Variants in PRAG1 observed in about 807,000 individuals in gnomAD.
PRAG1 encodes the protein inactive tyrosine-protein kinase PRAG1.
In PRAG1, 110 loss-of-function variants were observed where a neutral mutation model predicts 95.6. The ratio of observed to expected loss-of-function variants is 1.15; its 90% CI spans 0.99 to 1.35. The LOEUF is 1.35. Ranked by LOEUF, PRAG1 falls within the 40% of genes most tolerant of loss-of-function variation. The pLI, the probability that PRAG1 is intolerant of heterozygous loss-of-function variation, is 0.00. For synonymous variants in PRAG1, 1,052 were observed against 819.4 expected (o/e 1.28, Z -4.85); for missense variants, 2,554 against 1,864.7 (o/e 1.37, Z -6.81).
At chr8:8,360,704 T>C (rs1464355736) in intron 3 of PRAG1, among the ~76,000 whole-genome samples, 6 of 152,248 alleles carry the variant, frequency 3.9e-5, no homozygotes, top group Non-Finnish European at 7.3e-5. Context: ...TAAATCTGCA[T>C]ATTTTCTCAT....
chr8:8,341,625 T>C (rs1039330008), intron 3 of PRAG1, among the ~76,000 whole-genome samples: 3 of 152,202 alleles, frequency 2.0e-5, no homozygotes, highest in Non-Finnish European at 4.4e-5. Context: ...GTTTCTCCTT[T>C]ACTCTGTGAA....
chr8:8,318,017 T>C lies in PRAG1; in HGVS notation c.*137A>G, dbSNP rs1017380475. On this transcript the variant is annotated 3_prime_UTR_variant, in exon 6 of 6. Coordinates refer to ENST00000615670, the MANE Select transcript of PRAG1 (RefSeq NM_001080826.3). This position sits in a 1 kb window ranked among gnomAD's most constrained non-coding sequence, Gnocchi z 4.2. ...TTATATATGGTATATGTATTTTCTA[T>C]ATATATATTTATATATTTTACATCC... 2 of 632,252 alleles carry C rather than the reference T, an allele frequency of 3.2e-6. No homozygotes were observed. Among genetic ancestry groups the C allele is most frequent in the Middle Eastern group, 4.7e-4 (1 of 2,136 alleles). The allele number at this position is 632,252 out of a possible 1,614,324, so 39.2% of individuals were successfully genotyped here. A position where few individuals can be genotyped will look rare whatever the true frequency, so the allele number is the denominator to read the frequency against.
intron 3 of PRAG1, among the ~76,000 whole-genome samples, chr8:8,351,909 A>T (rs190402634): frequency 6.6e-6 from 1 of 152,106 alleles, no homozygotes; most frequent in East Asian, 1.9e-4. Flanking sequence ...AACACTAGTG[A>T]GTTGTTACCC....
intron 3 of PRAG1, among the ~76,000 whole-genome samples, chr8:8,341,322 T>TCATATA (rs1799155851): frequency 6.6e-6 from 1 of 152,150 alleles, no homozygotes; most frequent in Admixed American, 6.5e-5. Context: ...ATATATATAT[T>TCATATA]CATATACATA....
chr8:8,334,448 G>A (rs187275943), intron 4 of PRAG1, among the ~76,000 whole-genome samples: 1 of 144,686 alleles, frequency 6.9e-6, no homozygotes, highest in Non-Finnish European at 1.5e-5. Flanking sequence ...AAAAAAAAAA[G>A]CATTTCTTTA....
chr8:8,382,943 CTCT>C (rs1800733058), intron 1 of PRAG1, among the ~76,000 whole-genome samples: 1 of 152,162 alleles, frequency 6.6e-6, no homozygotes, highest in Non-Finnish European at 1.5e-5. Context: ...TTGCTCCTGG[CTCT>C]TCTTAGCCTA....
At chr8:8,385,612 C>T (rs886437177) in intron 1 of PRAG1, among the ~76,000 whole-genome samples, 1 of 152,212 alleles carries the variant, frequency 6.6e-6, no homozygotes, top group African/African-American at 2.4e-5. Context: ...GACCATTGGG[C>T]TTTGCTATCG....
Position 8,377,059 on chromosome 8 carries a change from G to A in PRAG1, c.1350C>T (p.Ala450=). 6.2e-7 allele frequency: 1 copy of A among 1,614,020 alleles called. No homozygotes were observed. The highest frequency in any genetic ancestry group is 8.5e-7 in the Non-Finnish European group (1 of 1,180,038). ...QGQGQVCTGN[A]WAQKAASGWG... ...AGCCAGATGCTGCTTTCTGGGCCCA[G>A]GCATTACCTGTGCATACCTGGCCTT... Residue 450 remains alanine, a synonymous_variant, in exon 3 of 6, where the codon GCC becomes GCT. Transcript: ENST00000615670.
Position 8,357,680 on chromosome 8 carries a change from A to C in PRAG1, c.2163-18045T>G, listed in dbSNP as rs999908271. ...AATCACCAAATGAGCCAACAATTCC[A>C]CTTTGTGGTATATATTTCAAAGAAC... On this transcript the variant is annotated intron_variant, in intron 3 of 5. Coordinates refer to ENST00000615670, the MANE Select transcript of PRAG1 (RefSeq NM_001080826.3). Among the ~76,000 whole-genome samples the C allele has an allele frequency of 2.0e-5, 3 of 152,334 alleles. No individual in the cohort carries two copies. In the East Asian group the frequency reaches 5.8e-4, roughly 29 times the overall value.
At chr8:8,346,831 C>T (rs937929499) in intron 3 of PRAG1, among the ~76,000 whole-genome samples, 3 of 152,204 alleles carry the variant, frequency 2.0e-5, no homozygotes, top group African/African-American at 7.2e-5. Flanking sequence ...GTTTGGTTCA[C>T]ATACATTTGG....
intron 3 of PRAG1, among the ~76,000 whole-genome samples, chr8:8,371,033 G>A (rs1342446771): frequency 6.6e-6 from 1 of 151,566 alleles, no homozygotes; most frequent in Non-Finnish European, 1.5e-5. Context: ...TTACTTGGGA[G>A]GCTGAGGCAG....
At chr8:8,338,443 C>A (rs747655407) in intron 4 of PRAG1, among the ~76,000 whole-genome samples, 3 of 152,154 alleles carry the variant, frequency 2.0e-5, no homozygotes, top group African/African-American at 7.2e-5. Flanking sequence ...GATGCACTGC[C>A]CTCTATGGAA....
rs369582191 is a variant in PRAG1, at chr8:8,381,719, T to C, written c.29A>G (p.Glu10Gly). Residue 10 changes from glutamate (E) to glycine (G), a missense_variant, in exon 2 of 6, where the codon GAG (glutamate) becomes GGG (glycine). Physicochemically the swap from Glu to Gly is moderately conservative, Grantham distance 98 (BLOSUM62 -2). Transcript: ENST00000615670. Reference protein sequence around the residue: MHQTLCLNPESLKMSACSDF... With the variant: MHQTLCLNPGSLKMSACSDF... ...ACTGCACGCAGACATTTTCAGGCTC[T>C]CGGGGTTCAGGCAGAGGGTCTGGTG... 3.7e-5 allele frequency: 60 copies of C among 1,601,766 alleles called. No individual in the cohort carries two copies. Among genetic ancestry groups the C allele is most frequent in the Non-Finnish European group, 4.7e-5 (55 of 1,171,026 alleles).
chr8:8,349,559 G>A (rs1799453239), intron 3 of PRAG1, among the ~76,000 whole-genome samples: 1 of 152,074 alleles, frequency 6.6e-6, no homozygotes, highest in South Asian at 2.1e-4. Context: ...TGGGATTACA[G>A]GCCTGAGCCA....
In PRAG1 at chr8:8,377,936, G is replaced by T. The variant is rs1308099037; in HGVS notation, c.473C>A (p.Ala158Asp). Residue 158 changes from alanine (A) to aspartate (D), a missense_variant, in exon 3 of 6, where the codon GCT (alanine) becomes GAT (aspartate). Physicochemically the swap from Ala to Asp is moderately radical, Grantham distance 126. Transcript: ENST00000615670. ...GTTGTGCAGGCCGACCATGGTGTAA[G>T]CTGGGGGACAGCGAGAATTGCCATC... ...SPDGNSRCPP[A>D]YTMVGLHNLE... The T allele has an allele frequency of 2.5e-6, 4 of 1,614,062 alleles. No individual in the cohort carries two copies. The highest frequency in any genetic ancestry group is 3.4e-6 in the Non-Finnish European group (4 of 1,180,016).
chr8:8,365,276 A>G (rs1799962881), intron 3 of PRAG1, among the ~76,000 whole-genome samples: 1 of 152,174 alleles, frequency 6.6e-6, no homozygotes, highest in African/African-American at 2.4e-5. Flanking sequence ...CCTCCCAAAG[A>G]TTCTGACACA....
At position 8,318,060 on chromosome 8, in the gene PRAG1, G is replaced by T; in HGVS notation, c.*94C>A. 2 of 1,229,078 alleles carry T rather than the reference G, an allele frequency of 1.6e-6. No individual in the cohort carries two copies. The highest frequency in any genetic ancestry group is 2.2e-6 in the Non-Finnish European group (2 of 895,970). The allele number at this position is 1,229,078 out of a possible 1,614,324, so 76.1% of individuals were successfully genotyped here. A position where few individuals can be genotyped will look rare whatever the true frequency, so the allele number is the denominator to read the frequency against. ...TTACATCCAGGTATCCCAGTCATCTGTACCATTTCCCAGGGAGACATGGGT... is the reference window on the plus strand; with the variant it reads ...TTACATCCAGGTATCCCAGTCATCTTTACCATTTCCCAGGGAGACATGGGT... On this transcript the variant is annotated 3_prime_UTR_variant, in exon 6 of 6. Coordinates refer to ENST00000615670, the MANE Select transcript of PRAG1 (RefSeq NM_001080826.3). This position sits in a 1 kb window ranked among gnomAD's most constrained non-coding sequence, Gnocchi z 4.2.
At chr8:8,361,087 G>A (rs1162208740) in intron 3 of PRAG1, among the ~76,000 whole-genome samples, 4 of 152,110 alleles carry the variant, frequency 2.6e-5, no homozygotes, top group Admixed American at 1.3e-4. Context: ...CATCTCATAA[G>A]GATCATCTAA....
chr8:8,339,260 C>T (rs572915927), intron 4 of PRAG1, among the ~76,000 whole-genome samples: 37 of 152,338 alleles, frequency 2.4e-4, no homozygotes, highest in Middle Eastern at 3.4e-3. Flanking sequence ...GCCACGTCCA[C>T]ACTCTTATAA....
Sources: allele counts gnomAD v4.1 joint callset (sites outside exome capture counted in the v4.1 genomes callset), GRCh38; gene constraint gnomAD v4.1.1; non-coding constraint Gnocchi (gnomAD v3.1); transcripts MANE v1.5; gene names NCBI Gene and HGNC (gene_info 2026-07-23, HGNC 2026-07-21).